Variants in ACTR3 observed in about 807,000 individuals in gnomAD.
ACTR3 encodes actin-related protein 3.
A neutral mutation model predicts 56.8 loss-of-function variants in ACTR3; 12 were observed. The ratio of observed to expected loss-of-function variants is 0.21; its 90% CI spans 0.14 to 0.34. The LOEUF is 0.34. ACTR3 is among the 10% of genes least tolerant of loss of function. The probability of loss-of-function intolerance (pLI) is 1.00; values close to 1 mark genes in which losing one functional copy is unlikely to be tolerated. For missense variants in ACTR3, 282 were observed against 512.5 expected (o/e 0.55, Z 4.34); for synonymous variants, 162 against 167.4 (o/e 0.97, Z 0.25).
intron 1 of ACTR3, among the ~76,000 whole-genome samples, chr2:113,900,848 T>C (rs1679086785): frequency 6.6e-6 from 1 of 152,254 alleles, no homozygotes; most frequent in South Asian, 2.1e-4. Context: ...GTCCAGGTTC[T>C]TCACTCAACA....
chr2:113,903,925 C>T (rs1339658135), intron 1 of ACTR3, among the ~76,000 whole-genome samples: 1 of 151,518 alleles, frequency 6.6e-6, no homozygotes, highest in Non-Finnish European at 1.5e-5. Flanking sequence ...GGTTTGATCT[C>T]AGCTCACTGC....
rs1269019919 is a variant in ACTR3 at position 113,890,161 on chromosome 2, G to A, written c.-119G>A. The A allele has an allele frequency of 1.5e-6, 2 of 1,353,574 alleles. No individual in the cohort carries two copies. The highest frequency in any genetic ancestry group is 2.1e-6 in the Non-Finnish European group (2 of 971,746). 83.8% of individuals were successfully genotyped at this position (1,353,574 alleles called of 1,614,324 possible). A position where few individuals can be genotyped will look rare whatever the true frequency, so the allele number is the denominator to read the frequency against. ...TGCTTCGGCTTCCCGGCTACCCCCC[G>A]GACGGTGAAGGCGGCCCAGCTGTGG... On this transcript the variant is annotated 5_prime_UTR_variant, in exon 1 of 12. Coordinates refer to ENST00000263238, the MANE Select transcript of ACTR3 (RefSeq NM_005721.5).
At chr2:113,925,646 A>G (rs996680025) in intron 3 of ACTR3, among the ~76,000 whole-genome samples, 11 of 152,238 alleles carry the variant, frequency 7.2e-5, no homozygotes, top group Non-Finnish European at 5.9e-5. Context: ...TGATGAATAA[A>G]TAATACTTAA....
At chr2:113,952,119 G>T (rs1680131571) in intron 10 of ACTR3, 2 of 300,852 alleles carry the variant, frequency 6.6e-6, no homozygotes, top group South Asian at 5.9e-5. Flanking sequence ...TAATATAGTA[G>T]ATTTCTTTGC....
intron 4 of ACTR3, among the ~76,000 whole-genome samples, 188 bp downstream of exon 4, chr2:113,927,643 C>A (rs1234329561): frequency 1.3e-5 from 2 of 152,048 alleles, no homozygotes; most frequent in African/African-American, 4.8e-5. Context: ...TGTCAAAGCA[C>A]CACATGTTAA....
rs76712267 is a variant in ACTR3 at position 113,932,655 on chromosome 2, T to G, written c.432+1259T>G. On this transcript the variant is annotated intron_variant, in intron 5 of 11. Coordinates refer to ENST00000263238, the MANE Select transcript of ACTR3 (RefSeq NM_005721.5). ...ATTCTAGTTTGGGACCGTAACTGTT[T>G]ACAAAAGACTTGTAAAAGTGATCAG... Among the ~76,000 whole-genome samples the G allele has an allele frequency of 7.5e-4, 115 of 152,334 alleles. 2 individuals are homozygous for G. The highest frequency in any genetic ancestry group is 7.5e-3 in the East Asian group (39 of 5,190).
At chr2:113,900,043 A>G (rs1366571140) in intron 1 of ACTR3, among the ~76,000 whole-genome samples, 1 of 152,210 alleles carries the variant, frequency 6.6e-6, no homozygotes, top group African/African-American at 2.4e-5. Flanking sequence ...AAATTTATGC[A>G]CTATTAGTCT....
intron 3 of ACTR3, among the ~76,000 whole-genome samples, chr2:113,920,705 A>AT (rs552954034): frequency 6.6e-6 from 1 of 151,944 alleles, no homozygotes; most frequent in African/African-American, 2.4e-5. Context: ...CATGAAGTCA[A>AT]TTTTTTTAGC....
chr2:113,954,539 CATA>C (rs1163799201), intron 10 of ACTR3: 1 of 151,160 alleles, frequency 6.6e-6, no homozygotes, highest in African/African-American at 2.4e-5. Flanking sequence ...ACTGTAATAT[CATA>C]ATATCAGTAA....
At chr2:113,941,943 C>A (rs1035370531) in intron 7 of ACTR3, among the ~76,000 whole-genome samples, 2 of 152,112 alleles carry the variant, frequency 1.3e-5, no homozygotes, top group Non-Finnish European at 2.9e-5. Context: ...GAAGTCAGCT[C>A]TCCAGTCTCT....
chr2:113,953,158 T>G (rs1170600261), intron 10 of ACTR3: 2 of 152,228 alleles, frequency 1.3e-5, no homozygotes, highest in Admixed American at 6.5e-5. Flanking sequence ...TGTATGTTTC[T>G]GAGTATAGTA....
intron 3 of ACTR3, 24 bp downstream of exon 3, chr2:113,917,032 A>G (rs1437303766): frequency 1.3e-6 from 2 of 1,575,796 alleles, no homozygotes; most frequent in Non-Finnish European, 8.6e-7. Context: ...ATTTGTATAA[A>G]TAACATTTTC....
At chr2:113,930,080 T>C (rs1679691837) in intron 4 of ACTR3, among the ~76,000 whole-genome samples, 1 of 152,240 alleles carries the variant, frequency 6.6e-6, no homozygotes, top group African/African-American at 2.4e-5. Flanking sequence ...TTGAGCAGTC[T>C]TTCATGTACG....
At position 113,942,363 on chromosome 2, in the gene ACTR3, A is replaced by AT. The variant is rs147159854; in HGVS notation, c.858+12dup. On this transcript the variant is annotated splice_donor_region_variant and intron_variant, in intron 8 of 11. Coordinates refer to ENST00000263238, the MANE Select transcript of ACTR3 (RefSeq NM_005721.5). ...TGAAATCTTTTTTCATCCAGAGGTA[A>AT]TTTTTTTTAACGGAATTGTTTAAAA... 2.0e-3 allele frequency: 3,059 copies of AT among 1,558,400 alleles called. 53 individuals are homozygous for AT. The African/African-American group carries it at 0.036, about 19-fold the overall frequency.
chr2:113,901,539 CTTTATT>C (rs1016964104), intron 1 of ACTR3, among the ~76,000 whole-genome samples: 5 of 152,040 alleles, frequency 3.3e-5, no homozygotes, highest in Non-Finnish European at 4.4e-5. Context: ...ATAAGATGTA[CTTTATT>C]TTTATGATAT....
intron 1 of ACTR3, among the ~76,000 whole-genome samples, chr2:113,908,418 G>T (rs1679243190): frequency 6.6e-6 from 1 of 151,688 alleles, no homozygotes. Flanking sequence ...GTAGGTTAAT[G>T]GAGGCTAGTT....
rs556293123 is a variant in ACTR3 at position 113,924,064 on chromosome 2, T to C, written c.226-3281T>C. Among the ~76,000 whole-genome samples, 3 of 151,232 alleles carry C rather than the reference T, an allele frequency of 2.0e-5. No individual in the cohort carries two copies. In the South Asian group the frequency reaches 6.3e-4, roughly 32 times the overall value. Reference sequence around the variant, plus strand: ...TTCTGACTTTTTTCTCTTTTTTTTTTTTTTTTTGAGACAGGTGTCTTGCCC... The same window carrying C: ...TTCTGACTTTTTTCTCTTTTTTTTTCTTTTTTTGAGACAGGTGTCTTGCCC... On this transcript the variant is annotated intron_variant, in intron 3 of 11. Coordinates refer to ENST00000263238, the MANE Select transcript of ACTR3 (RefSeq NM_005721.5).
rs1679938770 is a variant in ACTR3, at chr2:113,942,371, T to A, written c.858+12T>A. On this transcript the variant is annotated intron_variant, in intron 8 of 11. Transcript: ENST00000263238. ...TTTTTCATCCAGAGGTAATTTTTTT[T>A]AACGGAATTGTTTAAAAGTATTCAG... The A allele has an allele frequency of 1.3e-6, 2 of 1,554,896 alleles. No homozygotes were observed. Among genetic ancestry groups the A allele is most frequent in the African/African-American group, 1.4e-5 (1 of 72,008 alleles).
intron 1 of ACTR3, among the ~76,000 whole-genome samples, chr2:113,892,803 T>C (rs937252943): frequency 3.9e-5 from 6 of 152,192 alleles, no homozygotes; most frequent in Non-Finnish European, 8.8e-5. Context: ...ATTTCATTCA[T>C]TATATAAATT....
Sources: gnomAD v4.1 joint callset for allele counts (sites outside exome capture counted in the v4.1 genomes callset) on GRCh38, gnomAD v4.1.1 for gene constraint, MANE v1.5 for transcripts, NCBI Gene and HGNC (gene_info 2026-07-23, HGNC 2026-07-21) for gene names.